Variants in ZNF44 observed in about 807,000 individuals in gnomAD.
The protein encoded by ZNF44 is zinc finger protein 44.
Under a neutral mutation model 11.7 loss-of-function variants are expected in ZNF44, and 9 were observed. The observed-to-expected ratio is 0.77, with a 90% CI of 0.46 to 1.35. The LOEUF (loss-of-function observed/expected upper bound fraction) is 1.35. Ranked by LOEUF, ZNF44 falls within the 40% of genes most tolerant of loss-of-function variation. The probability of loss-of-function intolerance (pLI) is 0.00; values close to 1 mark genes in which losing one functional copy is unlikely to be tolerated. For missense variants in ZNF44, 696 were observed against 743.1 expected, an observed-to-expected ratio of 0.94 and a Z score of 0.74; for synonymous variants, 224 against 242.7, an observed-to-expected ratio of 0.92 and a Z score of 0.72.
chr19:12,274,948 C>A lies in ZNF44; in HGVS notation c.191+25G>T, dbSNP rs775336818. 4 of 1,552,092 alleles carry A rather than the reference C, an allele frequency of 2.6e-6. No individual in the cohort carries two copies. In the African/African-American group the frequency reaches 4.2e-5, roughly 16 times the overall value. ...TCTCAGAAACACTGCAAGGACATCA[C>A]CTGTCTCTTATAAGTACAAATTACC... On this transcript the variant is annotated intron_variant, in intron 3 of 3. Transcript: ENST00000355684.
intron 5 of ZNF44, among the ~76,000 whole-genome samples, chr19:12,257,749 C>G (rs905858056): frequency 6.9e-6 from 1 of 145,746 alleles, no homozygotes; most frequent in Non-Finnish European, 1.5e-5. Flanking sequence ...TGCAGTGAGC[C>G]GAGATCGCGC....
intron 1 of ZNF44, among the ~76,000 whole-genome samples, chr19:12,280,119 T>C (rs1297435387): frequency 2.0e-5 from 3 of 152,140 alleles, no homozygotes; most frequent in Non-Finnish European, 4.4e-5. Flanking sequence ...CTAGGGAGGC[T>C]GAGGCAGGAC....
downstream of ZNF44, among the ~76,000 whole-genome samples, chr19:12,268,815 C>T: frequency 6.6e-6 from 1 of 151,320 alleles, no homozygotes; most frequent in East Asian, 1.9e-4. Context: ...ACAATCATGG[C>T]TCACTCCAAT....
At chr19:12,237,192 A>G (rs2145680945) in intron 1 of ZNF44, 1 of 152,414 alleles carries the variant, frequency 6.6e-6, no homozygotes, top group East Asian at 1.9e-4. Context: ...CCCCCACACA[A>G]TCTGGGGAGA....
intron 1 of ZNF44, chr19:12,293,253 C>T (rs1033146360): frequency 1.3e-6 from 2 of 1,536,722 alleles, no homozygotes; most frequent in African/African-American, 2.7e-5. Context: ...GGAGGCCCCA[C>T]TCCAACACCT....
chr19:12,248,633 A>G (rs1436624400), exon 8 of ZNF44: 4 of 1,310,368 alleles, frequency 3.1e-6, no homozygotes, highest in Non-Finnish European at 4.0e-6. Flanking sequence ...CTTCTCCGCC[A>G]TGACTACCTT....
exon 1 of ZNF44, chr19:12,237,582 G>A (rs11881857): frequency 0.18 from 27,603 of 153,280 alleles, 3,068 homozygotes; most frequent in African/African-American, 0.31. Flanking sequence ...TAGGGGAACA[G>A]GAGCCCCTTA....
chr19:12,293,937 A>G (rs2145778695), intron 1 of ZNF44, among the ~76,000 whole-genome samples: 1 of 152,036 alleles, frequency 6.6e-6, no homozygotes, highest in East Asian at 1.9e-4. Flanking sequence ...ACTGCGAGCC[A>G]GGCTGGAGGC....
At chr19:12,287,014 C>T (rs1233404611) in intron 1 of ZNF44, among the ~76,000 whole-genome samples, 1 of 148,590 alleles carries the variant, frequency 6.7e-6, no homozygotes, top group Non-Finnish European at 1.5e-5. Flanking sequence ...ATGTGCATTC[C>T]TTTTATATAT....
In ZNF44 at chr19:12,272,780, C is replaced by A. The variant is rs1411642967; in HGVS notation, c.1475G>T (p.Cys492Phe). Residue 492 changes from cysteine (C) to phenylalanine (F), a missense_variant, in exon 4 of 4, where the codon TGT (cysteine) becomes TTT (phenylalanine). Physicochemically the swap from Cys to Phe is radical, Grantham distance 205. Coordinates refer to ENST00000355684, the MANE Select transcript of ZNF44 (RefSeq NM_016264.4). ...GKAFSSFKYF[C>F]RHERTHSEEK... Reference sequence around the variant, plus strand: ...TTCACTGTGAGTCCTTTCATGGCGACAAAAGTATTTAAAAGAACTAAATGC... The same window carrying A: ...TTCACTGTGAGTCCTTTCATGGCGAAAAAAGTATTTAAAAGAACTAAATGC... The A allele has an allele frequency of 6.2e-7, 1 of 1,613,714 alleles. No homozygotes were observed. Among genetic ancestry groups the A allele is most frequent in the African/African-American group, 1.3e-5 (1 of 74,934 alleles).
chr19:12,257,570 G>A (rs533552382), intron 5 of ZNF44, among the ~76,000 whole-genome samples: 1 of 151,434 alleles, frequency 6.6e-6, no homozygotes, highest in East Asian at 2.0e-4. Context: ...GGTGGATCAC[G>A]AGGTCAGGAG....
intron 1 of ZNF44, among the ~76,000 whole-genome samples, chr19:12,288,036 C>A (rs146576798): frequency 1.3e-5 from 2 of 152,116 alleles, no homozygotes; most frequent in Non-Finnish European, 2.9e-5. Flanking sequence ...TTGCTGAACA[C>A]GAGCCAATTC....
At chr19:12,234,953 C>G (rs544739672) in intron 1 of ZNF44, 1 of 152,072 alleles carries the variant, frequency 6.6e-6, no homozygotes, top group African/African-American at 2.4e-5. Context: ...GTTTAATAGG[C>G]GAAAGAAAGA....
chr19:12,232,110 A>G (rs1916188191), intron 2 of ZNF44, among the ~76,000 whole-genome samples: 1 of 152,242 alleles, frequency 6.6e-6, no homozygotes, highest in African/African-American at 2.4e-5. Flanking sequence ...TTTGCATCAT[A>G]GTAAAGAATC....
intron 1 of ZNF44, chr19:12,293,319 G>C (rs1200611394): frequency 1.2e-5 from 19 of 1,536,866 alleles, no homozygotes; most frequent in African/African-American, 4.1e-5. Context: ...GGCCCTCCAT[G>C]AGATTGGCAG....
chr19:12,267,970 G>A (rs1917793786), downstream of ZNF44, among the ~76,000 whole-genome samples: 2 of 151,814 alleles, frequency 1.3e-5, no homozygotes, highest in South Asian at 2.1e-4. Flanking sequence ...CCAAGAAGCT[G>A]GGATTACAGG....
exon 6 of ZNF44, chr19:12,250,366 G>C: frequency 7.4e-7 from 1 of 1,357,792 alleles, no homozygotes; most frequent in Non-Finnish European, 9.8e-7. Context: ...AGGTCACTGA[G>C]TCCTAAAACA....
downstream of ZNF44, among the ~76,000 whole-genome samples, chr19:12,268,229 GCTAA>G (rs1242552253): frequency 3.3e-5 from 5 of 150,678 alleles, no homozygotes; most frequent in Non-Finnish European, 7.4e-5. Flanking sequence ...TACATCTGAT[GCTAA>G]CTTTGTATTT....
Position 12,249,891 on chromosome 19 carries a change from CT to C in ZNF44, c.*186+86del. 6.4e-6 allele frequency: 6 copies of C among 939,224 alleles called. No individual in the cohort carries two copies. In the South Asian group the frequency reaches 9.2e-5, roughly 14 times the overall value. 58.2% of individuals were successfully genotyped at this position (939,224 alleles called of 1,614,324 possible). Reference sequence around the variant, plus strand: ...AAGAACAGATACATTTGAGGCTCAGCTTGTTTTGTTTCTTTAATTATCAAAT... The same window carrying C: ...AAGAACAGATACATTTGAGGCTCAGCTGTTTTGTTTCTTTAATTATCAAAT... On this transcript the variant is annotated intron_variant and NMD_transcript_variant, in intron 7 of 7. Transcript: ENST00000393337.
Sources: gnomAD v4.1 joint callset for allele counts (sites outside exome capture counted in the v4.1 genomes callset) on GRCh38, gnomAD v4.1.1 for gene constraint, MANE v1.5 for transcripts, NCBI Gene and HGNC (gene_info 2026-07-23, HGNC 2026-07-21) for gene names.